Variants in CA10 observed in about 807,000 individuals in gnomAD.
The protein encoded by CA10 is carbonic anhydrase-related protein 10.
Under a neutral mutation model 44.2 loss-of-function variants are expected in CA10, and 14 were observed. That is an observed-to-expected ratio of 0.32 (90% confidence interval 0.21 to 0.50). The LOEUF (loss-of-function observed/expected upper bound fraction) is 0.50. CA10 is among the 20% of genes least tolerant of loss of function. The probability of loss-of-function intolerance (pLI) is 0.99; values close to 1 mark genes in which losing one functional copy is unlikely to be tolerated. For synonymous variants in CA10, 159 were observed against 141.6 expected, an observed-to-expected ratio of 1.12 and a Z score of -0.87; for missense variants, 350 against 409.7, an observed-to-expected ratio of 0.85 and a Z score of 1.26.
chr17:51,870,654 AAAC>A (rs1320128583), intron 3 of CA10, among the ~76,000 whole-genome samples: 1 of 152,268 alleles, frequency 6.6e-6, no homozygotes, highest in Non-Finnish European at 1.5e-5. Context: ...ATGCTAGAGA[AAAC>A]AAAGTGATTA....
At chr17:51,843,813 T>C (rs1165086768) in intron 3 of CA10, among the ~76,000 whole-genome samples, 1 of 152,170 alleles carries the variant, frequency 6.6e-6, no homozygotes, top group East Asian at 1.9e-4. Flanking sequence ...TCTTATTACC[T>C]GGTTTTCATG....
chr17:51,790,187 G>A (rs1051450606), intron 3 of CA10, among the ~76,000 whole-genome samples: 8 of 152,154 alleles, frequency 5.3e-5, no homozygotes, highest in Non-Finnish European at 7.4e-5. Context: ...TCCAGAGCCA[G>A]GGACCCTGGT....
rs117041650 is a variant in CA10 at position 52,063,341 on chromosome 17, G to A, written c.136+8978C>T. ...GATGCTAGAACAAGTTAAGACTTTCGGGACCATTGGGATAGAATGATTGTA... is the reference window on the plus strand; with the variant it reads ...GATGCTAGAACAAGTTAAGACTTTCAGGACCATTGGGATAGAATGATTGTA... On this transcript the variant is annotated intron_variant, in intron 2 of 8. Transcript: ENST00000451037. Among the ~76,000 whole-genome samples the A allele has an allele frequency of 2.9e-3, 440 of 152,238 alleles. 2 individuals are homozygous for A. The highest frequency in any genetic ancestry group is 5.4e-3 in the Non-Finnish European group (367 of 68,018).
chr17:51,697,475 C>T (rs539129885), intron 4 of CA10, among the ~76,000 whole-genome samples: 4 of 152,346 alleles, frequency 2.6e-5, no homozygotes, highest in Middle Eastern at 3.4e-3. Context: ...CTCATGTCCC[C>T]TCCTCCATGA....
chr17:51,999,833 G>C (rs1238803036), intron 2 of CA10, among the ~76,000 whole-genome samples: 1 of 151,954 alleles, frequency 6.6e-6, no homozygotes, highest in East Asian at 1.9e-4. Context: ...AGAAGCAGTA[G>C]CTTCATATAG....
At chr17:51,820,469 C>G in intron 3 of CA10, among the ~76,000 whole-genome samples, 1 of 128,330 alleles carries the variant, frequency 7.8e-6, no homozygotes, top group East Asian at 2.7e-4. Flanking sequence ...AACCTGTTCT[C>G]TCTTTCTATC....
chr17:52,112,988 C>G (rs1391675977), intron 1 of CA10, among the ~76,000 whole-genome samples: 1 of 152,176 alleles, frequency 6.6e-6, no homozygotes. Flanking sequence ...TTAAAAAGCT[C>G]AAGCAGAGAT....
chr17:51,996,514 C>T (rs1289555532), intron 2 of CA10, among the ~76,000 whole-genome samples: 1 of 151,756 alleles, frequency 6.6e-6, no homozygotes, highest in Non-Finnish European at 1.5e-5. Context: ...TCGACATGGC[C>T]CATGGTTTAA....
intron 1 of CA10, among the ~76,000 whole-genome samples, chr17:52,137,220 G>T (rs1989379451): frequency 6.6e-6 from 1 of 151,874 alleles, no homozygotes; most frequent in Admixed American, 6.6e-5. Flanking sequence ...CTCTTACCTA[G>T]CAGTATGAAT....
At chr17:51,807,646 G>A (rs990543268) in intron 3 of CA10, among the ~76,000 whole-genome samples, 10 of 152,116 alleles carry the variant, frequency 6.6e-5, no homozygotes, top group Admixed American at 5.2e-4. Flanking sequence ...CTTACATTGC[G>A]GTATGGTGAC....
intron 4 of CA10, among the ~76,000 whole-genome samples, chr17:51,662,993 A>G (rs1314956717): frequency 6.6e-6 from 1 of 152,194 alleles, no homozygotes; most frequent in African/African-American, 2.4e-5. Context: ...GCCTAGTCAG[A>G]TACCTCTTCT....
intron 3 of CA10, among the ~76,000 whole-genome samples, chr17:51,770,924 G>C (rs1905583300): frequency 6.6e-6 from 1 of 151,792 alleles, no homozygotes; most frequent in Non-Finnish European, 1.5e-5. Flanking sequence ...AAGAGATCGA[G>C]ACCATCCTGG....
At chr17:51,837,124 A>G (rs1392101103) in intron 3 of CA10, among the ~76,000 whole-genome samples, 2 of 152,040 alleles carry the variant, frequency 1.3e-5, no homozygotes, top group African/African-American at 4.8e-5. Context: ...GCACACACAT[A>G]CACACAACTT....
chr17:51,692,426 TTTTA>T (rs1567805357), intron 4 of CA10, among the ~76,000 whole-genome samples: 6,053 of 107,114 alleles, frequency 0.057, 164 homozygotes, highest in East Asian at 0.11. Context: ...TATCTATCTA[TTTTA>T]CCATTTACCA....
At chr17:51,821,364 A>C (rs1193577053) in intron 3 of CA10, among the ~76,000 whole-genome samples, 1 of 151,588 alleles carries the variant, frequency 6.6e-6, no homozygotes, top group African/African-American at 2.4e-5. Flanking sequence ...CATCCACTAA[A>C]CCTTGGAATC....
chr17:52,154,954 G>T (rs1255973578), intron 1 of CA10, among the ~76,000 whole-genome samples: 1 of 152,140 alleles, frequency 6.6e-6, no homozygotes, highest in Admixed American at 6.6e-5. Context: ...TTTGGGGGTG[G>T]GTTAGAGGAA....
intron 3 of CA10, among the ~76,000 whole-genome samples, chr17:51,919,426 A>G (rs1982135882): frequency 6.6e-6 from 1 of 152,160 alleles, no homozygotes; most frequent in Non-Finnish European, 1.5e-5. Context: ...CAGGAGATCT[A>G]CCAGTCTTAC....
chr17:51,947,525 T>A (rs997316305), intron 2 of CA10, among the ~76,000 whole-genome samples: 1 of 152,182 alleles, frequency 6.6e-6, no homozygotes, highest in Non-Finnish European at 1.5e-5. Flanking sequence ...CAGACAGATG[T>A]TTAGCTTCAC....
chr17:51,943,808 A>G (rs1983174145), intron 2 of CA10, among the ~76,000 whole-genome samples: 1 of 152,208 alleles, frequency 6.6e-6, no homozygotes, highest in Non-Finnish European at 1.5e-5. Context: ...GGAAGAAAGC[A>G]GGTTTTTCTC....
Sources: allele counts gnomAD v4.1 joint callset (sites outside exome capture counted in the v4.1 genomes callset), GRCh38; gene constraint gnomAD v4.1.1; transcripts MANE v1.5; gene names NCBI Gene and HGNC (gene_info 2026-07-23, HGNC 2026-07-21).